The following TBC1D25 variants were observed in gnomAD, a reference collection of about 807,000 sequenced individuals.
TBC1D25 encodes TBC1 domain family member 25.
TBC1D25 carries 13 observed loss-of-function variants against 38.8 expected under a neutral mutation model. The observed-to-expected ratio is 0.34, with a 90% CI of 0.22 to 0.53. The LOEUF is 0.53. Among genes scored for constraint, TBC1D25 ranks in the 20% least tolerant of loss-of-function variants. TBC1D25 has a pLI of 0.94. For missense variants in TBC1D25, 372 were observed against 600.0 expected (o/e 0.62, Z 3.97); for synonymous variants, 225 against 255.6 (o/e 0.88, Z 1.14).
chrX:48,558,497 A>G (rs2061994526), intron 3 of TBC1D25, among the ~76,000 whole-genome samples: 1 of 111,817 alleles, frequency 8.9e-6, no homozygotes, highest in African/African-American at 3.3e-5. Flanking sequence ...GTAGTACTCA[A>G]CCGATAGGAC....
intron 3 of TBC1D25, 59 bp from the exon 4 acceptor site, chrX:48,558,838 C>T (rs781926465): frequency 1.8e-5 from 21 of 1,189,308 alleles, no homozygotes; most frequent in Middle Eastern, 2.4e-4. Context: ...GAGAGGAAGC[C>T]GGCCCTGAGG....
intron 2 of TBC1D25, among the ~76,000 whole-genome samples, chrX:48,542,773 G>T (rs2061851259): frequency 1.8e-5 from 2 of 110,621 alleles, no homozygotes; most frequent in Non-Finnish European, 3.8e-5. Context: ...CCAATTTTTT[G>T]TATCTTTAGT....
intron 3 of TBC1D25, among the ~76,000 whole-genome samples, chrX:48,553,803 G>A (rs1180451999): frequency 9.3e-6 from 1 of 107,465 alleles, no homozygotes; most frequent in Non-Finnish European, 1.9e-5. Context: ...ATATTTTTGG[G>A]TAGAGACAGG....
At position 48,558,920 on chromosome X, in the gene TBC1D25, A is replaced by G. The variant is rs2061997834; in HGVS notation, c.412A>G (p.Ile138Val). Reference protein sequence around the residue: ...EDSPLLEDWDIISPKDVIGSD... With the variant: ...EDSPLLEDWDVISPKDVIGSD... ...AGGCCCATTGCTAGAAGACTGGGAC[A>G]TAATCAGCCCCAAAGATGTCATTGG... The change falls in exon 4 of 6, where the codon ATA (isoleucine) becomes GTA (valine). Residue 138 changes from isoleucine to valine, a missense_variant. Transcript: ENST00000376771. 2 of 1,211,782 alleles carry G rather than the reference A, an allele frequency of 1.7e-6. No individual in the cohort carries two copies. The highest frequency in any genetic ancestry group is 4.6e-4 in the Middle Eastern group (2 of 4,355).
intron 3 of TBC1D25, among the ~76,000 whole-genome samples, chrX:48,557,739 G>T (rs2061987286): frequency 9.1e-6 from 1 of 109,839 alleles, no homozygotes; most frequent in African/African-American, 3.3e-5. Flanking sequence ...AACCCAAAAG[G>T]TGGAGTTTGT....
In TBC1D25 at chrX:48,559,341, C is replaced by A. The variant is rs2062001963; in HGVS notation, c.700C>A (p.Arg234=). Residue 234 remains arginine, a synonymous_variant, in exon 5 of 6, where the codon CGA becomes AGA. Transcript: ENST00000376771. ...IYHGGVEPSL[R]KVVWRYLLNV... ...TCATGGCGGTGTGGAGCCCTCGCTG[C>A]GAAAGGTGAGCATCCTCAGTCATCT... 1.7e-6 allele frequency: 2 copies of A among 1,206,420 alleles called. No individual in the cohort carries two copies. Among genetic ancestry groups the A allele is most frequent in the Non-Finnish European group, 2.2e-6 (2 of 892,833 alleles).
At chrX:48,546,212 CA>C (rs782072122) in intron 3 of TBC1D25, among the ~76,000 whole-genome samples, 46 of 57,041 alleles carry the variant, frequency 8.1e-4, no homozygotes, top group Admixed American at 3.5e-3. Context: ...GACTTCATCT[CA>C]AAAAAAAAAA....
intron 1 of TBC1D25, among the ~76,000 whole-genome samples, chrX:48,540,140 CG>C (rs1556979855): frequency 9.3e-6 from 1 of 107,284 alleles, no homozygotes; most frequent in African/African-American, 3.4e-5. Context: ...AGGGACGAGG[CG>C]GGGGTCTATG....
chrX:48,545,089 C>A (rs1459743391), intron 3 of TBC1D25, 66 bp downstream of exon 3: 1 of 1,156,319 alleles, frequency 8.6e-7, no homozygotes. Context: ...TGATGCTACC[C>A]CTCACAGTAC....
intron 5 of TBC1D25, 46 bp from the exon 6 acceptor site, chrX:48,559,568 G>C: frequency 8.4e-7 from 1 of 1,183,461 alleles, no homozygotes; most frequent in Non-Finnish European, 1.1e-6. Context: ...ATTGGGGTAT[G>C]GTTTATCTGG....
At position 48,560,496 on chromosome X, in the gene TBC1D25, C is replaced by A; in HGVS notation, c.1588C>A (p.Pro530Thr). The A allele has an allele frequency of 2.5e-6, 3 of 1,210,372 alleles. No homozygotes were observed. Among genetic ancestry groups the A allele is most frequent in the Non-Finnish European group, 3.4e-6 (3 of 894,724 alleles). ...GGACCCTCTGGTCCAGCTGCCCCAC[C>A]CAGCTGCCCTTATCAGCTCCAAGTC... ...RRDPLVQLPHPAALISSKSLS... is the reference protein window; with the variant it reads ...RRDPLVQLPHTAALISSKSLS... The change falls in exon 6 of 6, where the codon CCA becomes ACA. Residue 530 changes from proline to threonine, a missense_variant. Transcript: ENST00000376771.
intron 1 of TBC1D25, among the ~76,000 whole-genome samples, chrX:48,541,003 T>G (rs2061834454): frequency 8.9e-6 from 1 of 112,108 alleles, no homozygotes; most frequent in African/African-American, 3.2e-5. Context: ...GCCCGCTTGC[T>G]GGGACTCTAG....
At chrX:48,541,926 T>G (rs1344264615) in intron 2 of TBC1D25, among the ~76,000 whole-genome samples, 3 of 111,723 alleles carry the variant, frequency 2.7e-5, no homozygotes, top group Non-Finnish European at 5.6e-5. Flanking sequence ...TTTTCCCAAC[T>G]GTAGGCTAAT....
chrX:48,553,511 T>C lies in TBC1D25; in HGVS notation c.389-5386T>C, dbSNP rs782717021. ...CCATAGGTGCTGTGAGCTACTGTCT[T>C]ATTGCCTCCAGGGTTGTGAAGCAGA... On this transcript the variant is annotated intron_variant, in intron 3 of 5. Coordinates refer to ENST00000376771, the MANE Select transcript of TBC1D25 (RefSeq NM_002536.4). Among the ~76,000 whole-genome samples, 15 of 109,637 alleles carry C rather than the reference T, an allele frequency of 1.4e-4. No homozygotes were observed. In the South Asian group the frequency reaches 5.4e-3, roughly 39 times the overall value.
chrX:48,547,596 C>A (rs200640886), intron 3 of TBC1D25, among the ~76,000 whole-genome samples: 2 of 111,416 alleles, frequency 1.8e-5, no homozygotes, highest in Non-Finnish European at 3.8e-5. Flanking sequence ...AGCAGAGAGA[C>A]AGACAGAAAG....
chrX:48,559,523 G>A, intron 5 of TBC1D25, 91 bp from the exon 6 acceptor site: 1 of 1,094,432 alleles, frequency 9.1e-7, no homozygotes, highest in Non-Finnish European at 1.2e-6. Context: ...GAAGACAGAG[G>A]CCCAAGGGGG....
chrX:48,553,622 T>C (rs782525839), intron 3 of TBC1D25, among the ~76,000 whole-genome samples: 46 of 94,158 alleles, frequency 4.9e-4, no homozygotes, highest in Admixed American at 1.8e-3. Context: ...TTTTCTTTTT[T>C]TTTTTTTTTT....
At chrX:48,543,406 T>C (rs1556980802) in intron 2 of TBC1D25, among the ~76,000 whole-genome samples, 1 of 106,610 alleles carries the variant, frequency 9.4e-6, no homozygotes, top group Non-Finnish European at 1.9e-5. Flanking sequence ...CCGGCTAATT[T>C]TTGTATTTTT....
Position 48,562,595 on chromosome X carries a change from A to T in TBC1D25, c.*1620A>T, listed in dbSNP as rs1556986821. ...CCTGAAATGTCTCTTTTGTCAGTAA[A>T]CAGCTAATACCCTCTGGGATGCATT... On this transcript the variant is annotated 3_prime_UTR_variant, in exon 6 of 6. Coordinates refer to ENST00000376771, the MANE Select transcript of TBC1D25 (RefSeq NM_002536.4). 2 of 111,487 alleles carry T rather than the reference A, an allele frequency of 1.8e-5. No homozygotes were observed. 9.2% of individuals were successfully genotyped at this position (111,487 alleles called of 1,213,427 possible).
Sources: allele counts gnomAD v4.1 joint callset (sites outside exome capture counted in the v4.1 genomes callset), GRCh38; gene constraint gnomAD v4.1.1; transcripts MANE v1.5; gene names NCBI Gene and HGNC (gene_info 2026-07-23, HGNC 2026-07-21).